The following GALNT17 variants were observed in gnomAD, a reference collection of about 807,000 sequenced individuals.
The protein encoded by GALNT17 is polypeptide N-acetylgalactosaminyltransferase 17.
In GALNT17, 29 loss-of-function variants were observed where a neutral mutation model predicts 63.7. The observed-to-expected ratio is 0.46, with a 90% CI of 0.34 to 0.62. The LOEUF (loss-of-function observed/expected upper bound fraction) is 0.62. GALNT17 is among the 20% of genes least tolerant of loss of function. The pLI is 0.01. For missense variants in GALNT17, 603 were observed against 799.6 expected, an observed-to-expected ratio of 0.75 and a Z score of 2.97; for synonymous variants, 305 against 318.3, an observed-to-expected ratio of 0.96 and a Z score of 0.45.
chr7:71,442,546 G>A (rs1274906787), intron 5 of GALNT17, among the ~76,000 whole-genome samples: 1 of 152,236 alleles, frequency 6.6e-6, no homozygotes, highest in East Asian at 1.9e-4. Flanking sequence ...TTGGTACTTT[G>A]CAATATCTTT....
At chr7:71,699,877 T>G (rs61193840) in intron 9 of GALNT17, among the ~76,000 whole-genome samples, 20,717 of 151,790 alleles carry the variant, frequency 0.14, 1,621 homozygotes, top group African/African-American at 0.2. Flanking sequence ...AGGCTGCAAT[T>G]AACTATGATC....
At chr7:71,465,528 G>A (rs1033456557) in intron 5 of GALNT17, among the ~76,000 whole-genome samples, 1 of 152,184 alleles carries the variant, frequency 6.6e-6, no homozygotes, top group East Asian at 1.9e-4. Context: ...CTACATGCGT[G>A]TTTCTATAGA....
intron 2 of GALNT17, among the ~76,000 whole-genome samples, chr7:71,354,486 A>G (rs971681672): frequency 1.3e-5 from 2 of 152,204 alleles, no homozygotes; most frequent in Non-Finnish European, 2.9e-5. Flanking sequence ...ACCGAAAATC[A>G]TCAATTTCTT....
chr7:71,701,619 A>T (rs1246024919), intron 9 of GALNT17, among the ~76,000 whole-genome samples: 1 of 151,686 alleles, frequency 6.6e-6, no homozygotes, highest in Non-Finnish European at 1.5e-5. Flanking sequence ...TATCAAAAAG[A>T]TGCCTGCACT....
chr7:71,143,796 T>C (rs555423290), intron 1 of GALNT17, among the ~76,000 whole-genome samples: 1 of 152,044 alleles, frequency 6.6e-6, no homozygotes, highest in East Asian at 1.9e-4. Context: ...TCCCAACACT[T>C]CGTGAGGCTA....
Position 71,388,271 on chromosome 7 carries a change from G to A in GALNT17, c.459G>A (p.Gln153=). 6.2e-7 allele frequency: 1 copy of A among 1,614,022 alleles called. No homozygotes were observed. The highest frequency in any genetic ancestry group is 8.5e-7 in the Non-Finnish European group (1 of 1,179,982). The change falls in exon 3 of 11, where the codon CAG becomes CAA. Residue 153 remains glutamine (Q), a synonymous_variant. Transcript: ENST00000333538. ...TCAAGTACTCCAAGGACCTGCCCCAGATATCCATCATATTCATCTTCGTGA... is the reference window on the plus strand; with the variant it reads ...TCAAGTACTCCAAGGACCTGCCCCAAATATCCATCATATTCATCTTCGTGA... ...KELKYSKDLP[Q]ISIIFIFVNE...
At chr7:71,238,554 A>G (rs958850335) in intron 1 of GALNT17, among the ~76,000 whole-genome samples, 6 of 152,154 alleles carry the variant, frequency 3.9e-5, no homozygotes, top group African/African-American at 1.4e-4. Context: ...TTTATTATAA[A>G]TGATGGGCTA....
chr7:71,375,499 C>T (rs1202774316), intron 2 of GALNT17, among the ~76,000 whole-genome samples: 5 of 152,086 alleles, frequency 3.3e-5, no homozygotes, highest in African/African-American at 1.2e-4. Context: ...ACTGCAGCCT[C>T]GACCTTCAGG....
At chr7:71,424,768 T>C (rs1391420896) in intron 5 of GALNT17, among the ~76,000 whole-genome samples, 1 of 152,218 alleles carries the variant, frequency 6.6e-6, no homozygotes, top group Non-Finnish European at 1.5e-5. Context: ...CATGAGGACA[T>C]GGCAGTTTCT....
intron 1 of GALNT17, among the ~76,000 whole-genome samples, chr7:71,181,248 C>T (rs1031033072): frequency 5.2e-4 from 74 of 143,396 alleles, no homozygotes; most frequent in African/African-American, 1.4e-3. Flanking sequence ...GAGCAAGACT[C>T]GTCTTAAAAA....
At chr7:71,711,024 G>A (rs940708609) in intron 10 of GALNT17, 96 bp downstream of exon 10, 3 of 1,468,834 alleles carry the variant, frequency 2.0e-6, no homozygotes, top group Non-Finnish European at 1.8e-6. Flanking sequence ...CCCCAGCAAA[G>A]AGCGACCCCG....
intron 6 of GALNT17, among the ~76,000 whole-genome samples, chr7:71,592,578 A>ATAAAATAAAATAAAATAAAATAC (rs1789825583): frequency 1.6e-5 from 2 of 128,012 alleles, no homozygotes; most frequent in Non-Finnish European, 3.5e-5. Context: ...ATAAAATAAA[A>ATAAAATAAAATAAAATAAAATAC]TAAAATAAAA....
At chr7:71,441,700 T>C (rs759608478) in intron 5 of GALNT17, among the ~76,000 whole-genome samples, 1 of 152,164 alleles carries the variant, frequency 6.6e-6, no homozygotes, top group Non-Finnish European at 1.5e-5. Flanking sequence ...TGTGTTCTCA[T>C]TGGTCAACTC....
intron 6 of GALNT17, among the ~76,000 whole-genome samples, chr7:71,653,403 A>G (rs1043358943): frequency 2.1e-5 from 3 of 145,770 alleles, no homozygotes; most frequent in Non-Finnish European, 3.1e-5. Context: ...TTCGACCTAT[A>G]AAAGTAGGAC....
intron 5 of GALNT17, among the ~76,000 whole-genome samples, chr7:71,427,196 C>T (rs1269263411): frequency 1.3e-5 from 2 of 151,104 alleles, no homozygotes; most frequent in East Asian, 4.1e-4. Flanking sequence ...TCTCTTGCCT[C>T]AGCCTACCAA....
intron 5 of GALNT17, among the ~76,000 whole-genome samples, chr7:71,489,613 T>C (rs1787973034): frequency 6.6e-6 from 1 of 152,194 alleles, no homozygotes. Context: ...AGCCCCAGGC[T>C]CAAGAGCCTG....
At chr7:71,263,765 A>G (rs978492280) in intron 1 of GALNT17, among the ~76,000 whole-genome samples, 2 of 152,032 alleles carry the variant, frequency 1.3e-5, no homozygotes, top group Non-Finnish European at 2.9e-5. Context: ...CTACTAAAAA[A>G]ATACAAAAAG....
chr7:71,286,157 A>C (rs958111999), intron 1 of GALNT17, among the ~76,000 whole-genome samples: 10 of 152,202 alleles, frequency 6.6e-5, no homozygotes, highest in Non-Finnish European at 1.3e-4. Context: ...GATTGTGTGC[A>C]CACATTACTA....
intron 5 of GALNT17, among the ~76,000 whole-genome samples, chr7:71,435,580 A>G (rs1786944248): frequency 6.6e-6 from 1 of 152,140 alleles, no homozygotes; most frequent in African/African-American, 2.4e-5. Flanking sequence ...CCAGATCTAT[A>G]AACTAGTTCA....
Sources: gnomAD v4.1 joint callset for allele counts (sites outside exome capture counted in the v4.1 genomes callset) on GRCh38, gnomAD v4.1.1 for gene constraint, MANE v1.5 for transcripts, NCBI Gene and HGNC (gene_info 2026-07-23, HGNC 2026-07-21) for gene names.